TFAP4: variants seen among roughly 807,000 people sequenced by gnomAD.
TFAP4 encodes the protein transcription factor AP-4, also known as activating enhancer-binding protein 4.
TFAP4 carries 7 observed loss-of-function variants against 40.4 expected under a neutral mutation model. The observed-to-expected ratio is 0.17, with a 90% CI of 0.10 to 0.33. The LOEUF (loss-of-function observed/expected upper bound fraction) is 0.33. Among genes scored for constraint, TFAP4 ranks in the 10% least tolerant of loss-of-function variants. The probability of loss-of-function intolerance (pLI) is 1.00; values close to 1 mark genes in which losing one functional copy is unlikely to be tolerated. For missense variants in TFAP4, 374 were observed against 451.1 expected (o/e 0.83, Z 1.55); for synonymous variants, 218 against 181.4 (o/e 1.20, Z -1.62).
At chr16:4,260,824 C>G (rs2052941905) in intron 4 of TFAP4, among the ~76,000 whole-genome samples, 1 of 152,252 alleles carries the variant, frequency 6.6e-6, no homozygotes, top group Non-Finnish European at 1.5e-5. Context: ...CTATGCTATT[C>G]CCTCTGCCGG....
rs961952764 is a variant in TFAP4 at position 4,272,868 on chromosome 16, TGGC to T, written c.-125_-123del. 1.2e-4 allele frequency: 32 copies of T among 258,508 alleles called. No homozygotes were observed. The highest frequency in any genetic ancestry group is 3.5e-4 in the South Asian group (4 of 11,274). 16.0% of individuals were successfully genotyped at this position (258,508 alleles called of 1,614,324 possible). On this transcript the variant is annotated 5_prime_UTR_variant, in exon 1 of 7. Coordinates refer to ENST00000204517, the MANE Select transcript of TFAP4 (RefSeq NM_003223.3). Reference sequence around the variant, plus strand: ...TGCAGAATCGGCCGGTCCCAGATGCTGGCGGCGGCGGCGGCGGCGAGGGGAGGG... The same window carrying T: ...TGCAGAATCGGCCGGTCCCAGATGCTGGCGGCGGCGGCGGCGAGGGGAGGG...
chr16:4,258,114 C>T lies in TFAP4; in HGVS notation c.958G>A (p.Asp320Asn), dbSNP rs1301399120. 1 of 1,613,844 alleles carries T rather than the reference C, an allele frequency of 6.2e-7. No homozygotes were observed. Among genetic ancestry groups the T allele is most frequent in the South Asian group, 1.1e-5 (1 of 91,074 alleles). Residue 320 changes from aspartate (D) to asparagine (N), a missense_variant, in exon 7 of 7, where the codon GAC becomes AAC. This residue lies in a region of TFAP4 where 93 missense variants were observed against 79.2 expected (regional missense o/e 1.17). Coordinates refer to ENST00000204517, the MANE Select transcript of TFAP4 (RefSeq NM_003223.3). The stretch of plus-strand genomic sequence containing the variant: ...CGGCTCTGGTCCATGGCGTCACTGT[C>T]TGAGGCCTCGGAGTCGGAGGCGGTG... ...SDTASDSEAS[D>N]SDAMDQSREE...
At position 4,262,902 on chromosome 16, in the gene TFAP4, C is replaced by T. The variant is rs1218206916; in HGVS notation, c.90-201G>A. 9 of 603,208 alleles carry T rather than the reference C, an allele frequency of 1.5e-5. No individual in the cohort carries two copies. The South Asian group carries it at 1.6e-4, about 11-fold the overall frequency. 37.4% of individuals were successfully genotyped at this position (603,208 alleles called of 1,614,324 possible). ...GGTAAGATAGTCCGCTCAGAACCCA[C>T]CCCGGGCCAGGCACAGTAATCCCAG... is the stretch of plus-strand genomic sequence containing the variant. On this transcript the variant is annotated intron_variant, in intron 1 of 6. Transcript: ENST00000204517.
chr16:4,269,582 C>T (rs868625025), intron 1 of TFAP4, among the ~76,000 whole-genome samples: 50 of 147,418 alleles, frequency 3.4e-4, no homozygotes, highest in Admixed American at 5.4e-4. Context: ...GAGGACGAGG[C>T]GGGCAGATCA....
intron 1 of TFAP4, among the ~76,000 whole-genome samples, chr16:4,268,442 C>T (rs931834030): frequency 6.6e-6 from 1 of 152,136 alleles, no homozygotes; most frequent in Non-Finnish European, 1.5e-5. Flanking sequence ...GGACAGGAGT[C>T]ACATCCTGTT....
At chr16:4,261,655 C>T in intron 4 of TFAP4, 124 bp downstream of exon 4, 1 of 1,170,454 alleles carries the variant, frequency 8.5e-7, no homozygotes, top group South Asian at 1.7e-5. Context: ...CACTCCTAGG[C>T]CTGGCACCGC....
chr16:4,261,687 G>T, intron 4 of TFAP4, 92 bp downstream of exon 4: 1 of 1,376,422 alleles, frequency 7.3e-7, no homozygotes, highest in South Asian at 1.5e-5. Flanking sequence ...CTGTAAATAG[G>T]GCTCCACCGA....
chr16:4,271,496 GC>G (rs1257812496), intron 1 of TFAP4, among the ~76,000 whole-genome samples: 1 of 152,360 alleles, frequency 6.6e-6, no homozygotes, highest in African/African-American at 2.4e-5. Context: ...AGATGTCCGG[GC>G]CCCAGCGATC....
intron 1 of TFAP4, among the ~76,000 whole-genome samples, chr16:4,269,397 G>T (rs965503723): frequency 6.6e-6 from 1 of 150,900 alleles, no homozygotes; most frequent in African/African-American, 2.4e-5. Context: ...GGAGGCTGAG[G>T]CAGGAGAATG....
In TFAP4 at chr16:4,272,954, A is replaced by C. The variant is rs866947732; in HGVS notation, c.-208T>G. 3 of 154,246 alleles carry C rather than the reference A, an allele frequency of 1.9e-5. No individual in the cohort carries two copies. The highest frequency in any genetic ancestry group is 3.9e-5 in the African/African-American group (1 of 25,472). The allele number at this position is 154,246 out of a possible 1,614,324, so 9.6% of individuals were successfully genotyped here. A position where few individuals can be genotyped will look rare whatever the true frequency, so the allele number is the denominator to read the frequency against. On this transcript the variant is annotated 5_prime_UTR_variant, in exon 1 of 7. Coordinates refer to ENST00000204517, the MANE Select transcript of TFAP4 (RefSeq NM_003223.3). ...CCGGCCTGCCTCCCCGGGCGTGTGTATGTGTGTGTGTGTGTGTGTGTGTGT... is the reference window on the plus strand; with the variant it reads ...CCGGCCTGCCTCCCCGGGCGTGTGTCTGTGTGTGTGTGTGTGTGTGTGTGT...
intron 1 of TFAP4, among the ~76,000 whole-genome samples, chr16:4,270,689 G>C (rs1567203438): frequency 6.6e-6 from 1 of 152,188 alleles, no homozygotes; most frequent in East Asian, 1.9e-4. Flanking sequence ...GGAACGCTTG[G>C]GGCAGGGATA....
At chr16:4,272,596 C>G in intron 1 of TFAP4, 62 bp downstream of exon 1, 1 of 1,388,274 alleles carries the variant, frequency 7.2e-7, no homozygotes, top group South Asian at 1.4e-5. Context: ...GCGCGCCCGC[C>G]CGGGCGGGCT....
rs909894208 is a variant in TFAP4 at position 4,260,256 on chromosome 16, G to T, written c.667-11C>A. On this transcript the variant is annotated splice_polypyrimidine_tract_variant and intron_variant, in intron 5 of 6. Coordinates refer to ENST00000204517, the MANE Select transcript of TFAP4 (RefSeq NM_003223.3). ...CGGAGGGGGCAGAAGCTGCAAGACA[G>T]AGGCCCTCAGCCTTTCTCTCAAGGC... 6.4e-7 allele frequency: 1 copy of T among 1,556,666 alleles called. No individual in the cohort carries two copies. Among genetic ancestry groups the T allele is most frequent in the Admixed American group, 2.0e-5 (1 of 50,296 alleles).
Position 4,261,761 on chromosome 16 carries a change from C to G in TFAP4, c.525+18G>C, listed in dbSNP as rs2052950592. ...CCTCTGCACCGCGCGCCGTGCCCAG[C>G]AGAGGGCGCTGCCTCACCTGCTCCT... On this transcript the variant is annotated intron_variant, in intron 4 of 6. Transcript: ENST00000204517. 1.3e-6 allele frequency: 2 copies of G among 1,588,076 alleles called. No individual in the cohort carries two copies. The highest frequency in any genetic ancestry group is 2.3e-5 in the South Asian group (2 of 87,588).
chr16:4,269,446 T>C (rs1478663383), intron 1 of TFAP4, among the ~76,000 whole-genome samples: 1 of 144,066 alleles, frequency 6.9e-6, no homozygotes, highest in East Asian at 2.1e-4. Flanking sequence ...TGAGCCGAGA[T>C]TGCACCACTG....
chr16:4,259,420 C>T (rs2052926250), intron 6 of TFAP4, among the ~76,000 whole-genome samples: 1 of 152,138 alleles, frequency 6.6e-6, no homozygotes, highest in Admixed American at 6.5e-5. Context: ...CAGGTGTGAG[C>T]CACCACACCC....
chr16:4,257,311 T>TAAAAAAAAAAAAAAAAAAAAAAAAAAAA lies in TFAP4; in HGVS notation c.*743_*744insTTTTTTTTTTTTTTTTTTTTTTTTTTTT, dbSNP rs34634533. ...CTTGAACACGAAGACCTCAAAATTG[T>TAAAAAAAAAAAAAAAAAAAAAAAAAAAA]AAAAAAAAAAAAAAAAGAAAGAAAA... On this transcript the variant is annotated 3_prime_UTR_variant, in exon 7 of 7. Transcript: ENST00000204517. The TAAAAAAAAAAAAAAAAAAAAAAAAAAAA allele has an allele frequency of 8.7e-6, 1 of 114,782 alleles. No homozygotes were observed. The highest frequency in any genetic ancestry group is 1.8e-5 in the Non-Finnish European group (1 of 55,872). 7.1% of individuals were successfully genotyped at this position (114,782 alleles called of 1,614,324 possible).
intron 4 of TFAP4, 105 bp from the exon 5 acceptor site, chr16:4,260,700 C>A: frequency 2.2e-6 from 3 of 1,360,134 alleles, no homozygotes; most frequent in Non-Finnish European, 2.9e-6. Context: ...TAGCACAGGG[C>A]GGGCCCCTCT....
At chr16:4,258,317 C>T in intron 6 of TFAP4, 68 bp from the exon 7 acceptor site, 2 of 1,442,878 alleles carry the variant, frequency 1.4e-6, no homozygotes, top group Non-Finnish European at 1.9e-6. Flanking sequence ...ACAGTGGGGG[C>T]TCTCAGCCAG....
Sources: allele counts gnomAD v4.1 joint callset (sites outside exome capture counted in the v4.1 genomes callset), GRCh38; gene constraint gnomAD v4.1.1; regional missense constraint gnomAD v4.1.1; transcripts MANE v1.5; gene names NCBI Gene and HGNC (gene_info 2026-07-23, HGNC 2026-07-21).